Variants in ZNF624 observed in about 807,000 individuals in gnomAD.
ZNF624 encodes zinc finger protein 624.
ZNF624 carries 43 observed loss-of-function variants against 74.7 expected under a neutral mutation model. The ratio of observed to expected loss-of-function variants is 0.58; its 90% CI spans 0.45 to 0.74. The LOEUF is 0.74. ZNF624 is among the 30% of genes least tolerant of loss of function. The pLI is 0.00. For synonymous variants in ZNF624, 331 were observed against 341.3 expected, an observed-to-expected ratio of 0.97 and a Z score of 0.33; for missense variants, 820 against 1,030.0, an observed-to-expected ratio of 0.80 and a Z score of 2.79.
At chr17:16,631,465 C>T (rs1405043300) in intron 5 of ZNF624, 1 of 152,170 alleles carries the variant, frequency 6.6e-6, no homozygotes, top group Admixed American at 6.5e-5. Context: ...GTGACTCACA[C>T]CTGAAATCCC....
At chr17:16,638,481 G>C (rs1190006180) in intron 3 of ZNF624, among the ~76,000 whole-genome samples, 2 of 152,270 alleles carry the variant, frequency 1.3e-5, no homozygotes, top group South Asian at 2.1e-4. Context: ...AACAACGATA[G>C]ACTGGATTAA....
chr17:16,617,682 A>G, downstream of ZNF624: 1 of 1,604,466 alleles, frequency 6.2e-7, no homozygotes, highest in Non-Finnish European at 8.5e-7. Context: ...GGCGTGCTCT[A>G]CGATCACGCG....
chr17:16,632,625 T>G (rs1249846959), intron 5 of ZNF624, among the ~76,000 whole-genome samples: 1 of 152,234 alleles, frequency 6.6e-6, no homozygotes, highest in African/African-American at 2.4e-5. Context: ...AAATGAATGC[T>G]TAAATGAACC....
downstream of ZNF624, among the ~76,000 whole-genome samples, chr17:16,616,113 A>G (rs1908788339): frequency 6.7e-6 from 1 of 149,836 alleles, no homozygotes; most frequent in Non-Finnish European, 1.5e-5. Context: ...CAAAACTTCT[A>G]CAATTGAAAA....
Position 16,622,766 on chromosome 17 carries a change from C to T in ZNF624, c.2120G>A (p.Ser707Asn), listed in dbSNP as rs951007988. 1.2e-6 allele frequency: 2 copies of T among 1,613,546 alleles called. No homozygotes were observed. The highest frequency in any genetic ancestry group is 2.7e-5 in the African/African-American group (2 of 74,872). Residue 707 changes from serine (S) to asparagine (N), a missense_variant, in exon 6 of 6, where the codon AGT becomes AAT. Ser to Asn is a conservative substitution (Grantham distance 46). Coordinates refer to ENST00000311331, the MANE Select transcript of ZNF624 (RefSeq NM_020787.4). Reference sequence around the variant, plus strand: ...TTGATGTGTATTAAAGCCTGAGTTACTTGTGAAAACCTTTCCACATTCATT... The same window carrying T: ...TTGATGTGTATTAAAGCCTGAGTTATTTGTGAAAACCTTTCCACATTCATT... ...KCNECGKVFT[S>N]NSGFNTHQRT...
rs1908907068 is a variant in ZNF624, at chr17:16,621,323, G to A, written c.*965C>T. The A allele has an allele frequency of 6.6e-6, 1 of 152,202 alleles. No homozygotes were observed. Among genetic ancestry groups the A allele is most frequent in the South Asian group, 2.1e-4 (1 of 4,832 alleles). The allele number at this position is 152,202 out of a possible 1,614,324, so 9.4% of individuals were successfully genotyped here. A position where few individuals can be genotyped will look rare whatever the true frequency, so the allele number is the denominator to read the frequency against. ...GGCATTCACTTTGTTTGCAGTTGGG[G>A]CTTTGCCCCCCTCTACAAACAGTAC... On this transcript the variant is annotated 3_prime_UTR_variant, in exon 6 of 6. Coordinates refer to ENST00000311331, the MANE Select transcript of ZNF624 (RefSeq NM_020787.4).
In ZNF624 at chr17:16,622,562, G is replaced by C. The variant is rs201088778; in HGVS notation, c.2324C>G (p.Thr775Ser). 3 of 1,613,690 alleles carry C rather than the reference G, an allele frequency of 1.9e-6. No homozygotes were observed. In the African/African-American group the frequency reaches 4.0e-5, roughly 22 times the overall value. The change falls in exon 6 of 6, where the codon ACT (threonine) becomes AGT (serine). Residue 775 changes from threonine to serine, a missense_variant. Thr to Ser is a moderately conservative substitution (Grantham distance 58). Coordinates refer to ENST00000311331, the MANE Select transcript of ZNF624 (RefSeq NM_020787.4). ...CTTACAGGTGTAGGGTTTTTCTCCA[G>C]TGTGTGTTCTCCAATGCACTGTAAG... is the stretch of plus-strand genomic sequence containing the variant. The part of the protein sequence containing the change: ...SYLTVHWRTH[T>S]GEKPYTCKEC...
downstream of ZNF624, among the ~76,000 whole-genome samples, chr17:16,620,022 A>G (rs1165093455): frequency 6.6e-6 from 1 of 152,240 alleles, no homozygotes; most frequent in African/African-American, 2.4e-5. Context: ...TCAATCAAAA[A>G]TGGCCATTTT....
rs887861781 is a variant in ZNF624, at chr17:16,621,360, T to A, written c.*928A>T. Reference sequence around the variant, plus strand: ...TCTACAAACAGTACTTCAACAAACATGTTTATTTACATTCTTATGCATTGA... The same window carrying A: ...TCTACAAACAGTACTTCAACAAACAAGTTTATTTACATTCTTATGCATTGA... On this transcript the variant is annotated 3_prime_UTR_variant, in exon 6 of 6. Coordinates refer to ENST00000311331, the MANE Select transcript of ZNF624 (RefSeq NM_020787.4). 18 of 152,264 alleles carry A rather than the reference T, an allele frequency of 1.2e-4. No homozygotes were observed. Among genetic ancestry groups the A allele is most frequent in the Admixed American group, 3.3e-4 (5 of 15,290 alleles). 9.4% of individuals were successfully genotyped at this position (152,264 alleles called of 1,614,324 possible).
At chr17:16,648,393 C>G (rs144931354) in intron 2 of ZNF624, among the ~76,000 whole-genome samples, 2 of 152,334 alleles carry the variant, frequency 1.3e-5, no homozygotes, top group African/African-American at 4.8e-5. Flanking sequence ...AACTCTCCCT[C>G]AACAACATCT....
chr17:16,653,809 C>G lies in ZNF624; in HGVS notation c.-48G>C, dbSNP rs547196334. On this transcript the variant is annotated 5_prime_UTR_variant, in exon 1 of 6. Transcript: ENST00000311331. ...AACTGAGGGAACTCGCAGAGCAGGG[C>G]GGGAACGCTTCCAGCAATGGCGGCG... is the stretch of plus-strand genomic sequence containing the variant. 1 of 152,920 alleles carries G rather than the reference C, an allele frequency of 6.5e-6. No homozygotes were observed. The highest frequency in any genetic ancestry group is 1.5e-5 in the Non-Finnish European group (1 of 68,124). 9.5% of individuals were successfully genotyped at this position (152,920 alleles called of 1,614,324 possible). A position where few individuals can be genotyped will look rare whatever the true frequency, so the allele number is the denominator to read the frequency against.
intron 3 of ZNF624, among the ~76,000 whole-genome samples, chr17:16,638,235 G>A (rs1909381157): frequency 6.6e-6 from 1 of 152,332 alleles, no homozygotes; most frequent in South Asian, 2.1e-4. Flanking sequence ...AGAGGATGTG[G>A]AGAAATAGGA....
At position 16,623,155 on chromosome 17, in the gene ZNF624, A is replaced by AAT. The variant is rs780325976; in HGVS notation, c.1729_1730dup (p.His578PhefsTer19). ...ACAGATAAGGTTTCTCTTCAGTATG[A>AAT]ATACGCTGATGTATAATTAGAGAAG... On this transcript the variant is annotated frameshift_variant, in exon 6 of 6. Transcript: ENST00000311331. LOFTEE classifies it high-confidence loss of function. This position sits in a 1 kb window ranked among gnomAD's most constrained non-coding sequence, Gnocchi z 5.3. 1.8e-4 allele frequency: 292 copies of AAT among 1,613,808 alleles called. 1 individual carries two copies. The highest frequency in any genetic ancestry group is 8.3e-5 in the Admixed American group (5 of 59,996).
intron 1 of ZNF624, among the ~76,000 whole-genome samples, chr17:16,651,850 C>G (rs780596820): frequency 6.6e-5 from 10 of 152,162 alleles, no homozygotes; most frequent in South Asian, 2.1e-4. Flanking sequence ...ATCAGGATCT[C>G]TAGATGTGAG....
At chr17:16,647,585 GACAA>G (rs141072921) in intron 2 of ZNF624, among the ~76,000 whole-genome samples, 191 bp from the exon 3 acceptor site, 3,636 of 152,186 alleles carry the variant, frequency 0.024, 136 homozygotes, top group African/African-American at 0.083. Context: ...TTGGGACAAT[GACAA>G]ACACACGTAA....
intron 5 of ZNF624, among the ~76,000 whole-genome samples, chr17:16,626,893 C>A (rs1402396363): frequency 1.3e-5 from 2 of 151,440 alleles, no homozygotes; most frequent in African/African-American, 4.9e-5. Context: ...CCCGTCTCAA[C>A]TAAACACAAA....
chr17:16,623,798 T>A lies in ZNF624; in HGVS notation c.1088A>T (p.Asn363Ile), dbSNP rs141621505. The change falls in exon 6 of 6, where the codon AAT (asparagine) becomes ATT (isoleucine). Residue 363 changes from asparagine (N) to isoleucine (I), a missense_variant. Transcript: ENST00000311331. The surrounding 1 kb of genome is among the most constrained non-coding windows in gnomAD (Gnocchi z 5.3). ...CTGGCTAAAAGATTTCCCACACACATTACACTGATAAGGTTTCTCTTTAGT... is the reference window on the plus strand; with the variant it reads ...CTGGCTAAAAGATTTCCCACACACAATACACTGATAAGGTTTCTCTTTAGT... Reference protein sequence around the residue: ...IHTKEKPYQCNVCGKSFSQCA... With the variant: ...IHTKEKPYQCIVCGKSFSQCA... 2.6e-5 allele frequency: 42 copies of A among 1,614,060 alleles called. No individual in the cohort carries two copies. Among genetic ancestry groups the A allele is most frequent in the Non-Finnish European group, 3.4e-5 (40 of 1,180,012 alleles).
intron 3 of ZNF624, among the ~76,000 whole-genome samples, chr17:16,636,607 C>T (rs746943844): frequency 2.0e-5 from 3 of 152,212 alleles, no homozygotes; most frequent in Admixed American, 6.5e-5. Context: ...GAGGCCAAGG[C>T]GGGCGGATCA....
At chr17:16,636,930 T>G (rs62073663) in intron 3 of ZNF624, among the ~76,000 whole-genome samples, 13,295 of 152,172 alleles carry the variant, frequency 0.087, 710 homozygotes, top group African/African-American at 0.14. Flanking sequence ...TCAAAGGGAA[T>G]GTTTCCAGTT....
Sources: allele counts gnomAD v4.1 joint callset (sites outside exome capture counted in the v4.1 genomes callset), GRCh38; gene constraint gnomAD v4.1.1; non-coding constraint Gnocchi (gnomAD v3.1); transcripts MANE v1.5; gene names NCBI Gene and HGNC (gene_info 2026-07-23, HGNC 2026-07-21).